Variants in MYPOP observed in about 807,000 individuals in gnomAD.
MYPOP encodes the protein myb-related transcription factor, partner of profilin.
MYPOP carries 21 observed loss-of-function variants against 25.7 expected under a neutral mutation model. The observed-to-expected ratio is 0.82, with a 90% CI of 0.58 to 1.18. The LOEUF (loss-of-function observed/expected upper bound fraction) is 1.18. MYPOP is among the 50% of genes most tolerant of loss of function. MYPOP has a pLI of 0.00. For synonymous variants in MYPOP, 280 were observed against 247.9 expected (o/e 1.13, Z -1.22); for missense variants, 566 against 588.3 (o/e 0.96, Z 0.39).
At position 45,901,389 on chromosome 19, in the gene MYPOP, C is replaced by A; in HGVS notation, c.385G>T (p.Ala129Ser). Residue 129 changes from alanine to serine, a missense_variant, in exon 2 of 3, where the codon GCA becomes TCA. Ala to Ser is a moderately conservative substitution (Grantham distance 99). Coordinates refer to ENST00000322217, the MANE Select transcript of MYPOP (RefSeq NM_001012643.4). The surrounding 1 kb of genome is among the most constrained non-coding windows in gnomAD (Gnocchi z 5.7). ...GGGGGCTCCTCCGCCCCAGCACCTG[C>A]CCCCGGCGCCGCCACACCTGGCCCC... ...ILGPGVAAPG[A>S]GAGAEEPPAA... 3 of 1,511,874 alleles carry A rather than the reference C, an allele frequency of 2.0e-6. No individual in the cohort carries two copies. The highest frequency in any genetic ancestry group is 1.3e-5 in the South Asian group (1 of 77,832). 93.7% of individuals were successfully genotyped at this position (1,511,874 alleles called of 1,614,324 possible). A position where few individuals can be genotyped will look rare whatever the true frequency, so the allele number is the denominator to read the frequency against.
intron 2 of MYPOP, among the ~76,000 whole-genome samples, chr19:45,893,930 C>T: frequency 6.7e-6 from 1 of 149,092 alleles, no homozygotes; most frequent in African/African-American, 2.5e-5. Flanking sequence ...GCTGGGACTA[C>T]AGGCGCCCGC....
Position 45,901,250 on chromosome 19 carries a change from C to A in MYPOP, c.499+25G>T. 1 of 1,425,930 alleles carries A rather than the reference C, an allele frequency of 7.0e-7. No homozygotes were observed. Among genetic ancestry groups the A allele is most frequent in the South Asian group, 1.5e-5 (1 of 64,648 alleles). 88.3% of individuals were successfully genotyped at this position (1,425,930 alleles called of 1,614,324 possible). On this transcript the variant is annotated intron_variant, in intron 2 of 2. Transcript: ENST00000322217. The surrounding 1 kb of genome is among the most constrained non-coding windows in gnomAD (Gnocchi z 5.7). ...TAAAAGGCTTGCAACAGCGCAGGCACACAGCCTACTCTGAAGACACTCACC... is the reference window on the plus strand; with the variant it reads ...TAAAAGGCTTGCAACAGCGCAGGCAAACAGCCTACTCTGAAGACACTCACC...
Position 45,901,932 on chromosome 19 carries a change from GGGGCGGGGGGC to G in MYPOP, c.-52-118_-52-108del. 2.0e-6 allele frequency: 1 copy of G among 512,496 alleles called. No individual in the cohort carries two copies. The highest frequency in any genetic ancestry group is 2.9e-6 in the Non-Finnish European group (1 of 339,124). The allele number at this position is 512,496 out of a possible 1,614,324, so 31.7% of individuals were successfully genotyped here. Reference sequence around the variant, plus strand: ...TCCTTAGTCCCCGGGGGCAGGAGTGGGGGCGGGGGGCGGGCGGGGGCGACGGGCACCCGGGT... The same window carrying G: ...TCCTTAGTCCCCGGGGGCAGGAGTGGGGGCGGGGGCGACGGGCACCCGGGT... On this transcript the variant is annotated intron_variant, in intron 1 of 2. Coordinates refer to ENST00000322217, the MANE Select transcript of MYPOP (RefSeq NM_001012643.4). The surrounding 1 kb of genome is among the most constrained non-coding windows in gnomAD (Gnocchi z 5.7).
Position 45,901,411 on chromosome 19 carries a change from C to T in MYPOP, c.363G>A (p.Gly121=). ...AEEETIFAIL[G]PGVAAPGAGA... is the part of the protein sequence containing the mutation. ...CTGCCCCCGGCGCCGCCACACCTGG[C>T]CCCAGGATGGCAAAAATGGTCTCCT... Residue 121 remains glycine (G), a synonymous_variant, in exon 2 of 3, where the codon GGG becomes GGA. Coordinates refer to ENST00000322217, the MANE Select transcript of MYPOP (RefSeq NM_001012643.4). This position sits in a 1 kb window ranked among gnomAD's most constrained non-coding sequence, Gnocchi z 5.7. 6.4e-7 allele frequency: 1 copy of T among 1,558,900 alleles called. No homozygotes were observed. Among genetic ancestry groups the T allele is most frequent in the Non-Finnish European group, 8.7e-7 (1 of 1,152,558 alleles).
chr19:45,899,284 A>G (rs1967253888), intron 2 of MYPOP, among the ~76,000 whole-genome samples: 1 of 152,086 alleles, frequency 6.6e-6, no homozygotes, highest in Admixed American at 6.6e-5. Context: ...AGGGAAGGGG[A>G]TTTTGTCTTT....
intron 2 of MYPOP, among the ~76,000 whole-genome samples, chr19:45,894,551 C>A (rs1235957853): frequency 2.0e-5 from 3 of 151,928 alleles, no homozygotes; most frequent in Admixed American, 2.0e-4. Context: ...GCTTCTGGGA[C>A]CACAGAGGTG....
At position 45,895,631 on chromosome 19, in the gene MYPOP, G is replaced by A. The variant is rs115050552; in HGVS notation, c.500-4308C>T. 3.9e-3 allele frequency among the ~76,000 whole-genome samples: 597 copies of A among 151,894 alleles called. 3 individuals carry two copies. Among genetic ancestry groups the A allele is most frequent in the African/African-American group, 0.014 (567 of 41,310 alleles). On this transcript the variant is annotated intron_variant, in intron 2 of 2. Transcript: ENST00000322217. ...TATTGCTCCCTTCTGTTTACCCGGCGCCTAGAACAATGTCCAGCACAACAT... is the reference window on the plus strand; with the variant it reads ...TATTGCTCCCTTCTGTTTACCCGGCACCTAGAACAATGTCCAGCACAACAT...
rs1335388554 is a variant in MYPOP at position 45,890,641 on chromosome 19, G to C, written c.1182C>G (p.Gly394=). 6.2e-7 allele frequency: 1 copy of C among 1,603,604 alleles called. No individual in the cohort carries two copies. The highest frequency in any genetic ancestry group is 1.1e-5 in the South Asian group (1 of 90,860). ...RKGFPTRKRR[G]RWKSP ...GTAGATTTCACGGAGATTTCCATCG[G>C]CCGCGCCTTTTCCGTGTAGGGAAAC... Residue 394 remains glycine (G), a synonymous_variant, in exon 3 of 3, where the codon GGC becomes GGG. Coordinates refer to ENST00000322217, the MANE Select transcript of MYPOP (RefSeq NM_001012643.4).
chr19:45,900,141 A>G (rs1216385685), intron 2 of MYPOP, among the ~76,000 whole-genome samples: 1 of 152,122 alleles, frequency 6.6e-6, no homozygotes, highest in Non-Finnish European at 1.5e-5. Context: ...CCCTTCTCCA[A>G]ACTCTTCAGT....
At chr19:45,894,681 T>G (rs1967177133) in intron 2 of MYPOP, among the ~76,000 whole-genome samples, 1 of 152,022 alleles carries the variant, frequency 6.6e-6, no homozygotes, top group Non-Finnish European at 1.5e-5. Context: ...TTGTATAGTG[T>G]GGAAATTATA....
At position 45,891,062 on chromosome 19, in the gene MYPOP, G is replaced by A. The variant is rs747431918; in HGVS notation, c.761C>T (p.Ser254Leu). Residue 254 changes from serine to leucine, a missense_variant, in exon 3 of 3, where the codon TCG becomes TTG. Coordinates refer to ENST00000322217, the MANE Select transcript of MYPOP (RefSeq NM_001012643.4). ...PPPPRPPPTLSASDPSLDFLR... is the reference protein window; with the variant it reads ...PPPPRPPPTLLASDPSLDFLR... ...GAAGTCCAGGGAGGGGTCTGAGGCCGAGAGCGTGGGTGGAGGCCGAGGAGG... is the reference window on the plus strand; with the variant it reads ...GAAGTCCAGGGAGGGGTCTGAGGCCAAGAGCGTGGGTGGAGGCCGAGGAGG... 14 of 1,461,240 alleles carry A rather than the reference G, an allele frequency of 9.6e-6. No individual in the cohort carries two copies. In the East Asian group the frequency reaches 1.0e-4, roughly 11 times the overall value. 90.5% of individuals were successfully genotyped at this position (1,461,240 alleles called of 1,614,324 possible). A position where few individuals can be genotyped will look rare whatever the true frequency, so the allele number is the denominator to read the frequency against.
At chr19:45,900,229 A>G (rs1967267126) in intron 2 of MYPOP, among the ~76,000 whole-genome samples, 1 of 151,962 alleles carries the variant, frequency 6.6e-6, no homozygotes, top group South Asian at 2.1e-4. Context: ...GCCTTTGCTG[A>G]CCTCTCTGAA....
intron 2 of MYPOP, among the ~76,000 whole-genome samples, chr19:45,898,159 A>C (rs981058560): frequency 1.3e-5 from 2 of 151,708 alleles, no homozygotes; most frequent in African/African-American, 4.8e-5. Flanking sequence ...TCCTAACCTC[A>C]GGTGATCCGC....
intron 2 of MYPOP, among the ~76,000 whole-genome samples, chr19:45,895,462 C>G (rs1967189431): frequency 6.6e-6 from 1 of 152,028 alleles, no homozygotes; most frequent in East Asian, 1.9e-4. Flanking sequence ...CCATGTTGCT[C>G]AGGCTGGCCC....
At chr19:45,897,930 T>TC in intron 2 of MYPOP, among the ~76,000 whole-genome samples, 1 of 150,908 alleles carries the variant, frequency 6.6e-6, no homozygotes, top group Non-Finnish European at 1.5e-5. Context: ...TCTTTTCTTT[T>TC]TTTTTTTTTT....
chr19:45,891,456 C>T, intron 2 of MYPOP, 133 bp from the exon 3 acceptor site: 1 of 1,124,276 alleles, frequency 8.9e-7, no homozygotes, highest in East Asian at 2.9e-5. Flanking sequence ...CCCCCAGCCC[C>T]AAGACAGTCT....
Position 45,902,578 on chromosome 19 carries a change from C to A in MYPOP, c.-61G>T, listed in dbSNP as rs1238016910. The A allele has an allele frequency of 6.6e-6, 1 of 152,244 alleles. No homozygotes were observed. The allele number at this position is 152,244 out of a possible 1,614,324, so 9.4% of individuals were successfully genotyped here. ...GGCCACGGGTCACTCACCGGCTCCG[C>A]CGCAGCCGCCGGTGGGTCAGGGCTC... On this transcript the variant is annotated 5_prime_UTR_variant, in exon 1 of 3. Transcript: ENST00000322217.
intron 2 of MYPOP, among the ~76,000 whole-genome samples, chr19:45,892,490 G>A (rs1373367757): frequency 2.6e-5 from 4 of 152,118 alleles, no homozygotes; most frequent in Non-Finnish European, 5.9e-5. Flanking sequence ...CCTGGGCTCA[G>A]CCTGAACCTC....
Position 45,890,675 on chromosome 19 carries a change from C to T in MYPOP, c.1148G>A (p.Arg383Gln), listed in dbSNP as rs565057829. 150 of 1,570,880 alleles carry T rather than the reference C, an allele frequency of 9.5e-5. No individual in the cohort carries two copies. The South Asian group carries it at 1.0e-3, about 11-fold the overall frequency. Reference sequence around the variant, plus strand: ...TTTCCGTGTAGGGAAACCTTTTCTCCGCTTGTGTGGGGGGGAGTCGTGCGG... The same window carrying T: ...TTTCCGTGTAGGGAAACCTTTTCTCTGCTTGTGTGGGGGGGAGTCGTGCGG... Reference protein sequence around the residue: ...LPPHDSPPHKRRKGFPTRKRR... With the variant: ...LPPHDSPPHKQRKGFPTRKRR... Residue 383 changes from arginine to glutamine, a missense_variant, in exon 3 of 3, where the codon CGG becomes CAG. Coordinates refer to ENST00000322217, the MANE Select transcript of MYPOP (RefSeq NM_001012643.4).
Sources: gnomAD v4.1 joint callset for allele counts (sites outside exome capture counted in the v4.1 genomes callset) on GRCh38, gnomAD v4.1.1 for gene constraint, Gnocchi (gnomAD v3.1) non-coding constraint, MANE v1.5 for transcripts, NCBI Gene and HGNC (gene_info 2026-07-23, HGNC 2026-07-21) for gene names.